Variants in CCSER1 observed in about 807,000 individuals in gnomAD.
CCSER1 encodes coiled-coil serine rich protein 1, also known as serine-rich coiled-coil domain-containing protein 1.
In CCSER1, 41 loss-of-function variants were observed where a neutral mutation model predicts 82.0. That is an observed-to-expected ratio of 0.50 (90% CI 0.39 to 0.65). The LOEUF (loss-of-function observed/expected upper bound fraction) is 0.65. Among genes scored for constraint, CCSER1 ranks in the 30% least tolerant of loss-of-function variants. The probability of loss-of-function intolerance (pLI) is 0.00; values close to 1 mark genes in which losing one functional copy is unlikely to be tolerated. For missense variants in CCSER1, 1,119 were observed against 1,064.2 expected (o/e 1.05, Z -0.72); for synonymous variants, 414 against 383.9 (o/e 1.08, Z -0.92).
At chr4:91,002,959 T>A (rs1738174032) in intron 9 of CCSER1, among the ~76,000 whole-genome samples, 2 of 152,196 alleles carry the variant, frequency 1.3e-5, no homozygotes, top group South Asian at 4.1e-4. Flanking sequence ...TGTAGTACTC[T>A]CTGTCTCTTC....
chr4:91,165,002 A>T (rs1161633345), intron 10 of CCSER1, among the ~76,000 whole-genome samples: 1 of 152,180 alleles, frequency 6.6e-6, no homozygotes, highest in Non-Finnish European at 1.5e-5. Context: ...CCTTTGAAGG[A>T]GAAGAGGTGC....
intron 6 of CCSER1, among the ~76,000 whole-genome samples, chr4:90,695,048 ATATATTTATT>A (rs1736762791): frequency 6.7e-6 from 1 of 148,254 alleles, no homozygotes; most frequent in Non-Finnish European, 1.5e-5. Flanking sequence ...ATATATGTAT[ATATATTTATT>A]TATATTTATA....
intron 3 of CCSER1, among the ~76,000 whole-genome samples, chr4:90,380,209 A>G (rs1489264416): frequency 6.6e-6 from 1 of 152,290 alleles, no homozygotes; most frequent in South Asian, 2.1e-4. Context: ...AAGCATTGTG[A>G]ACGTCTCAGA....
At chr4:91,203,336 G>T (rs1024150138) in intron 10 of CCSER1, among the ~76,000 whole-genome samples, 1 of 151,764 alleles carries the variant, frequency 6.6e-6, no homozygotes, top group Non-Finnish European at 1.5e-5. Context: ...AATAAATGTT[G>T]CTAGGAAATA....
chr4:91,031,223 T>A (rs549306521), intron 9 of CCSER1, among the ~76,000 whole-genome samples: 7 of 152,270 alleles, frequency 4.6e-5, no homozygotes, highest in African/African-American at 1.7e-4. Context: ...CTGTAATTAA[T>A]TTTTCACATA....
chr4:91,251,866 G>A (rs902841786), intron 10 of CCSER1, among the ~76,000 whole-genome samples: 14 of 152,122 alleles, frequency 9.2e-5, no homozygotes, highest in African/African-American at 3.1e-4. Context: ...TCACTCAGCA[G>A]TTGCCATCGA....
chr4:90,563,409 C>T (rs75174681), intron 5 of CCSER1, among the ~76,000 whole-genome samples: 1,884 of 152,242 alleles, frequency 0.012, 38 homozygotes, highest in African/African-American at 0.043. Context: ...TGCGCCCTGC[C>T]CCAAATTTTA....
chr4:91,345,367 A>T (rs1747985956), intron 10 of CCSER1, among the ~76,000 whole-genome samples: 1 of 152,164 alleles, frequency 6.6e-6, no homozygotes, highest in African/African-American at 2.4e-5. Context: ...AGCCTGGGAG[A>T]CAGAGTGAAA....
At chr4:90,839,624 C>A (rs1388155133) in intron 8 of CCSER1, among the ~76,000 whole-genome samples, 1 of 152,136 alleles carries the variant, frequency 6.6e-6, no homozygotes, top group Non-Finnish European at 1.5e-5. Context: ...GAAGAGAAAG[C>A]CCACATCTAC....
chr4:90,644,398 A>G (rs1332255228), intron 6 of CCSER1, among the ~76,000 whole-genome samples: 1 of 152,152 alleles, frequency 6.6e-6, no homozygotes, highest in African/African-American at 2.4e-5. Flanking sequence ...TTGGCACTCA[A>G]AAAGTTGTAG....
chr4:91,527,637 T>G (rs894765879), intron 10 of CCSER1, among the ~76,000 whole-genome samples: 1 of 152,198 alleles, frequency 6.6e-6, no homozygotes, highest in Admixed American at 6.6e-5. Flanking sequence ...GGTTTCTATA[T>G]TCAATAAATG....
intron 10 of CCSER1, among the ~76,000 whole-genome samples, chr4:91,145,920 C>A (rs1015149016): frequency 6.6e-6 from 1 of 152,048 alleles, no homozygotes; most frequent in Non-Finnish European, 1.5e-5. Flanking sequence ...AGTCTGATGA[C>A]TATGTGTCTT....
At chr4:91,444,774 C>G (rs1401598669) in intron 10 of CCSER1, among the ~76,000 whole-genome samples, 1 of 152,186 alleles carries the variant, frequency 6.6e-6, no homozygotes, top group Non-Finnish European at 1.5e-5. Flanking sequence ...GCTAATGGAC[C>G]ACTGTGAGTG....
At chr4:90,772,329 T>A in intron 7 of CCSER1, among the ~76,000 whole-genome samples, 1 of 152,246 alleles carries the variant, frequency 6.6e-6, no homozygotes, top group Non-Finnish European at 1.5e-5. Flanking sequence ...AACTTCAGGT[T>A]AATTACTATA....
intron 10 of CCSER1, among the ~76,000 whole-genome samples, chr4:91,137,172 C>T (rs865800433): frequency 8.6e-6 from 1 of 115,962 alleles, no homozygotes; most frequent in Middle Eastern, 4.2e-3. Context: ...TCCCCCCACC[C>T]CACCACAGTC....
At chr4:90,269,040 A>T (rs1308467173) in intron 1 of CCSER1, among the ~76,000 whole-genome samples, 1 of 152,152 alleles carries the variant, frequency 6.6e-6, no homozygotes, top group Non-Finnish European at 1.5e-5. Context: ...GAGTACCCAG[A>T]TATGTAAGGC....
chr4:90,685,813 G>T (rs1189791737), intron 6 of CCSER1, among the ~76,000 whole-genome samples: 1 of 152,152 alleles, frequency 6.6e-6, no homozygotes, highest in Non-Finnish European at 1.5e-5. Flanking sequence ...TGCTGGAAAC[G>T]TGAATACTTT....
intron 10 of CCSER1, among the ~76,000 whole-genome samples, chr4:91,182,398 C>T (rs1226856700): frequency 3.3e-5 from 5 of 152,312 alleles, no homozygotes; most frequent in South Asian, 4.1e-4. Flanking sequence ...GGTTTCTGTA[C>T]GTGCTGTACA....
intron 10 of CCSER1, among the ~76,000 whole-genome samples, chr4:91,455,715 C>T (rs1464232909): frequency 3.3e-5 from 5 of 151,986 alleles, no homozygotes; most frequent in Admixed American, 3.3e-4. Context: ...GTTGAAACTC[C>T]CAGCACTATG....
Sources: allele counts gnomAD v4.1 joint callset (sites outside exome capture counted in the v4.1 genomes callset), GRCh38; gene constraint gnomAD v4.1.1; transcripts MANE v1.5; gene names NCBI Gene and HGNC (gene_info 2026-07-23, HGNC 2026-07-21).